The following UTRN variants were observed in gnomAD, a reference collection of about 807,000 sequenced individuals.
The protein encoded by UTRN is dystrophin-related protein 1.
A neutral mutation model predicts 463.9 loss-of-function variants in UTRN; 283 were observed. That is an observed-to-expected ratio of 0.61 (90% CI 0.55 to 0.67). The LOEUF (loss-of-function observed/expected upper bound fraction) is 0.67. UTRN is among the 30% of genes least tolerant of loss of function. The pLI is 0.00. For missense variants in UTRN, 3,922 were observed against 4,084.3 expected (o/e 0.96, Z 1.08); for synonymous variants, 1,442 against 1,431.5 (o/e 1.01, Z -0.17).
At chr6:144,759,503 C>G (rs1011121165) in intron 58 of UTRN, among the ~76,000 whole-genome samples, 1 of 152,052 alleles carries the variant, frequency 6.6e-6, no homozygotes, top group African/African-American at 2.4e-5. Flanking sequence ...CTGAAAGATG[C>G]TCACATCATA....
intron 2 of UTRN, among the ~76,000 whole-genome samples, chr6:144,387,930 C>T (rs1258915673): frequency 6.6e-6 from 1 of 152,224 alleles, no homozygotes; most frequent in African/African-American, 2.4e-5. Context: ...CGCAGACAGA[C>T]AGACCTTGTG....
chr6:144,756,143 G>T (rs2128725435), intron 57 of UTRN, among the ~76,000 whole-genome samples: 1 of 152,220 alleles, frequency 6.6e-6, no homozygotes, highest in African/African-American at 2.4e-5. Context: ...AAATAGGTTT[G>T]CTGTATACTT....
At chr6:144,433,185 T>G (rs1786067722) in intron 9 of UTRN, among the ~76,000 whole-genome samples, 1 of 152,090 alleles carries the variant, frequency 6.6e-6, no homozygotes, top group Non-Finnish European at 1.5e-5. Flanking sequence ...TGGCCCGTTC[T>G]CAATGAGCTG....
chr6:144,401,593 A>T (rs1387990415), intron 2 of UTRN, among the ~76,000 whole-genome samples: 1 of 152,098 alleles, frequency 6.6e-6, no homozygotes, highest in Non-Finnish European at 1.5e-5. Context: ...CTTAAACAGC[A>T]GTTTTGTTTT....
intron 69 of UTRN, among the ~76,000 whole-genome samples, chr6:144,832,649 TGG>T (rs1323127485): frequency 2.6e-5 from 4 of 152,222 alleles, no homozygotes; most frequent in Non-Finnish European, 4.4e-5. Context: ...GGTCAAATCA[TGG>T]CCACAAGATC....
chr6:144,419,769 G>GTC (rs1784669000), intron 3 of UTRN, among the ~76,000 whole-genome samples: 1 of 152,142 alleles, frequency 6.6e-6, no homozygotes, highest in Non-Finnish European at 1.5e-5. Flanking sequence ...TGGTCTTGGG[G>GTC]TCTCTCTCTC....
intron 54 of UTRN, among the ~76,000 whole-genome samples, chr6:144,739,065 T>C (rs1789760737): frequency 6.6e-6 from 1 of 152,148 alleles, no homozygotes; most frequent in Non-Finnish European, 1.5e-5. Flanking sequence ...TATGTATGGG[T>C]TAATGTTTTC....
intron 3 of UTRN, among the ~76,000 whole-genome samples, chr6:144,414,253 C>T (rs1784179136): frequency 6.6e-6 from 1 of 152,156 alleles, no homozygotes; most frequent in African/African-American, 2.4e-5. Flanking sequence ...GAAGACCTTC[C>T]AGTGGGACAA....
chr6:144,848,169 C>A (rs952537600), intron 74 of UTRN, among the ~76,000 whole-genome samples: 1 of 151,866 alleles, frequency 6.6e-6, no homozygotes, highest in East Asian at 1.9e-4. Flanking sequence ...GTCAGAAGTG[C>A]GAGGAGAGAC....
At position 144,488,764 on chromosome 6, in the gene UTRN, A is replaced by T. The variant is rs1475021650; in HGVS notation, c.4064A>T (p.Glu1355Val). 2.5e-6 allele frequency: 4 copies of T among 1,612,872 alleles called. No homozygotes were observed. Among genetic ancestry groups the T allele is most frequent in the Non-Finnish European group, 3.4e-6 (4 of 1,179,316 alleles). The change falls in exon 30 of 75, where the codon GAG becomes GTG. Residue 1355 changes from glutamate (E) to valine (V), a missense_variant. Around this residue, in one of 3 missense-constraint regions of UTRN, gnomAD observed 2,349 missense variants for 2,303.8 expected, o/e 1.02. Coordinates refer to ENST00000367545, the MANE Select transcript of UTRN (RefSeq NM_007124.3). ...CAAGTCTTGCAAGAGAGCTTGGGGG[A>T]GCTGGACAAACAGCTCACCACATAC... is the stretch of plus-strand genomic sequence containing the variant. ...MLQVLQESLG[E>V]LDKQLTTYLT...
chr6:144,624,888 G>T (rs369888936), intron 51 of UTRN, among the ~76,000 whole-genome samples: 1 of 152,184 alleles, frequency 6.6e-6, no homozygotes, highest in Admixed American at 6.5e-5. Context: ...CCATGAATAC[G>T]TTGAGGGAGT....
intron 51 of UTRN, among the ~76,000 whole-genome samples, chr6:144,656,559 G>C (rs1017681386): frequency 1.3e-5 from 2 of 152,044 alleles, no homozygotes; most frequent in African/African-American, 4.8e-5. Flanking sequence ...TTATCGTCAT[G>C]GGCCACTACA....
At chr6:144,847,713 G>A (rs1449967449) in intron 74 of UTRN, among the ~76,000 whole-genome samples, 1 of 152,096 alleles carries the variant, frequency 6.6e-6, no homozygotes, top group Admixed American at 6.5e-5. Flanking sequence ...AAGATTTGGG[G>A]ACCCTTAGAA....
chr6:144,489,856 G>A (rs1426444441), intron 30 of UTRN, among the ~76,000 whole-genome samples: 2 of 151,882 alleles, frequency 1.3e-5, no homozygotes, highest in South Asian at 2.1e-4. Flanking sequence ...TCCTGATGTC[G>A]TGATCCACCC....
chr6:144,645,821 G>T (rs1299451838), intron 51 of UTRN, among the ~76,000 whole-genome samples: 1 of 152,070 alleles, frequency 6.6e-6, no homozygotes, highest in African/African-American at 2.4e-5. Context: ...AAAAGTGGGA[G>T]GTCAGAGCAG....
At chr6:144,643,187 C>T (rs184609575) in intron 51 of UTRN, among the ~76,000 whole-genome samples, 173 of 152,186 alleles carry the variant, frequency 1.1e-3, no homozygotes, top group African/African-American at 4.0e-3. Flanking sequence ...ATGTCTCTAT[C>T]AGAAAATGAT....
At chr6:144,479,420 G>T (rs1791618037) in intron 25 of UTRN, among the ~76,000 whole-genome samples, 1 of 151,830 alleles carries the variant, frequency 6.6e-6, no homozygotes, top group Non-Finnish European at 1.5e-5. Context: ...AGACTGACTG[G>T]CTTCTAGATT....
chr6:144,751,766 A>G (rs1174857118), intron 55 of UTRN, 40 bp from the exon 56 acceptor site: 1 of 1,551,194 alleles, frequency 6.4e-7, no homozygotes, highest in Non-Finnish European at 8.7e-7. Flanking sequence ...CTTTTGTTAT[A>G]TTCGTTTCCA....
At chr6:144,343,152 T>A (rs1395450297) in intron 2 of UTRN, among the ~76,000 whole-genome samples, 1 of 152,200 alleles carries the variant, frequency 6.6e-6, no homozygotes, top group Non-Finnish European at 1.5e-5. Context: ...CTGACAAAGA[T>A]ACATATTCTA....
Sources: gnomAD v4.1 joint callset for allele counts (sites outside exome capture counted in the v4.1 genomes callset) on GRCh38, gnomAD v4.1.1 for gene constraint, gnomAD v4.1.1 regional missense constraint, MANE v1.5 for transcripts, NCBI Gene and HGNC (gene_info 2026-07-23, HGNC 2026-07-21) for gene names.